The following CFAP299 variants were observed in gnomAD, a reference collection of about 807,000 sequenced individuals.
CFAP299 encodes cilia and flagella associated protein 299.
A neutral mutation model predicts 27.0 loss-of-function variants in CFAP299; 21 were observed. The observed-to-expected ratio is 0.78, with a 90% CI of 0.55 to 1.12. The LOEUF (loss-of-function observed/expected upper bound fraction) is 1.12. Ranked by LOEUF, CFAP299 falls within the 50% of genes most tolerant of loss-of-function variation. CFAP299 has a pLI of 0.00. For synonymous variants in CFAP299, 104 were observed against 98.1 expected, an observed-to-expected ratio of 1.06 and a Z score of -0.36; for missense variants, 310 against 276.6, an observed-to-expected ratio of 1.12 and a Z score of -0.86.
At chr4:80,454,740 T>C (rs1193431032) in intron 2 of CFAP299, among the ~76,000 whole-genome samples, 3 of 152,118 alleles carry the variant, frequency 2.0e-5, no homozygotes, top group East Asian at 1.9e-4. Context: ...GAGAGGGGAA[T>C]TGAAAGAGAG....
intron 2 of CFAP299, among the ~76,000 whole-genome samples, chr4:80,534,171 T>C (rs977649484): frequency 8.5e-5 from 13 of 152,052 alleles, no homozygotes; most frequent in African/African-American, 3.1e-4. Context: ...ATTTTTCTTA[T>C]TTTTTGCTTA....
intron 2 of CFAP299, among the ~76,000 whole-genome samples, chr4:80,431,988 T>C (rs1359012965): frequency 2.0e-5 from 3 of 152,190 alleles, no homozygotes; most frequent in Non-Finnish European, 4.4e-5. Flanking sequence ...GATAGGGACA[T>C]TTTCTGAATA....
chr4:80,673,540 G>A (rs1226234780), intron 3 of CFAP299, among the ~76,000 whole-genome samples: 2 of 152,174 alleles, frequency 1.3e-5, no homozygotes, highest in African/African-American at 2.4e-5. Context: ...TTGGTGCGGA[G>A]CTGAGTTCAA....
At chr4:80,476,459 A>G (rs769543406) in intron 2 of CFAP299, among the ~76,000 whole-genome samples, 21 of 152,134 alleles carry the variant, frequency 1.4e-4, no homozygotes, top group Non-Finnish European at 2.9e-4. Flanking sequence ...TTTGATACTA[A>G]TAGAAATAGG....
At chr4:80,463,732 G>A (rs2110108933) in intron 2 of CFAP299, among the ~76,000 whole-genome samples, 1 of 152,060 alleles carries the variant, frequency 6.6e-6, no homozygotes, top group Admixed American at 6.6e-5. Context: ...CTCCCTAAAG[G>A]CCCTATCTCT....
intron 4 of CFAP299, among the ~76,000 whole-genome samples, chr4:80,929,013 T>C (rs1469757504): frequency 1.3e-5 from 2 of 152,154 alleles, no homozygotes; most frequent in Non-Finnish European, 2.9e-5. Context: ...GCACTATTTT[T>C]CTAATTCCCA....
At chr4:80,718,836 A>C (rs1420474082) in intron 3 of CFAP299, among the ~76,000 whole-genome samples, 1 of 152,168 alleles carries the variant, frequency 6.6e-6, no homozygotes, top group East Asian at 1.9e-4. Flanking sequence ...TTTTAGGACC[A>C]ATGACATATA....
chr4:80,955,032 A>AGC (rs1737995883), intron 5 of CFAP299, among the ~76,000 whole-genome samples: 1 of 25,272 alleles, frequency 4.0e-5, no homozygotes, highest in Admixed American at 5.8e-4. Context: ...AAAAAAAAAA[A>AGC]AACGCACACA....
chr4:80,515,547 G>C (rs1732542187), intron 2 of CFAP299, among the ~76,000 whole-genome samples: 1 of 152,070 alleles, frequency 6.6e-6, no homozygotes, highest in South Asian at 2.1e-4. Context: ...TTTATGTTTA[G>C]TTTACATGCC....
At chr4:80,487,415 G>A (rs938519518) in intron 2 of CFAP299, among the ~76,000 whole-genome samples, 2 of 152,094 alleles carry the variant, frequency 1.3e-5, no homozygotes, top group South Asian at 2.1e-4. Flanking sequence ...GCAGATCATC[G>A]ATCTCTTTCT....
At chr4:80,398,774 G>A (rs973764265) in intron 2 of CFAP299, among the ~76,000 whole-genome samples, 7 of 152,092 alleles carry the variant, frequency 4.6e-5, no homozygotes, top group African/African-American at 1.7e-4. Flanking sequence ...CAGAACATAG[G>A]CATGGGCAAG....
rs546175540 is a variant in CFAP299, at chr4:80,790,051, A to G, written c.334-79942A>G. On this transcript the variant is annotated intron_variant, in intron 3 of 5. Coordinates refer to ENST00000358105, the MANE Select transcript of CFAP299 (RefSeq NM_152770.3). Reference sequence around the variant, plus strand: ...GAATCACCATATTTTCACCCCCAAAATCAAAACAATTTTTGCCTTTCCATG... The same window carrying G: ...GAATCACCATATTTTCACCCCCAAAGTCAAAACAATTTTTGCCTTTCCATG... Among the ~76,000 whole-genome samples, 5 of 152,134 alleles carry G rather than the reference A, an allele frequency of 3.3e-5. No individual in the cohort carries two copies. The South Asian group carries it at 1.0e-3, about 32-fold the overall frequency.
At chr4:80,587,633 C>A (rs1236818870) in intron 3 of CFAP299, among the ~76,000 whole-genome samples, 1 of 152,058 alleles carries the variant, frequency 6.6e-6, no homozygotes, top group Non-Finnish European at 1.5e-5. Context: ...TGCTCTGTTG[C>A]CCAGGTTGGA....
At chr4:80,733,139 T>C (rs1723637038) in intron 3 of CFAP299, among the ~76,000 whole-genome samples, 1 of 152,096 alleles carries the variant, frequency 6.6e-6, no homozygotes, top group Non-Finnish European at 1.5e-5. Context: ...ACTGAAAGCC[T>C]ATGAATGGAT....
At chr4:80,645,428 A>T (rs1301961249) in intron 3 of CFAP299, among the ~76,000 whole-genome samples, 1 of 152,148 alleles carries the variant, frequency 6.6e-6, no homozygotes, top group African/African-American at 2.4e-5. Context: ...AGGATAAAAA[A>T]GTATCTGTTA....
Position 80,335,806 on chromosome 4 carries a change from T to C in CFAP299, c.38T>C (p.Ile13Thr), listed in dbSNP as rs1722103943. Residue 13 changes from isoleucine to threonine, a missense_variant, in exon 1 of 6, where the codon ATT becomes ACT. Coordinates refer to ENST00000358105, the MANE Select transcript of CFAP299 (RefSeq NM_152770.3). ...GAGGGGCTGAAGGCCTTGGACAATA[T>C]TGTCACTCAATTCAACGCCTATGAA... ...QEEGLKALDN[I>T]VTQFNAYEDF... The C allele has an allele frequency of 2.5e-6, 4 of 1,613,780 alleles. No individual in the cohort carries two copies. The highest frequency in any genetic ancestry group is 2.7e-5 in the African/African-American group (2 of 75,042).
chr4:80,472,781 A>G lies in CFAP299; in HGVS notation c.242+109897A>G, dbSNP rs1408290702. Reference sequence around the variant, plus strand: ...TAATCCAAAACAAAGGAGAGCCTCAATTGCCTGTATGGCCCATGTTCCACG... The same window carrying G: ...TAATCCAAAACAAAGGAGAGCCTCAGTTGCCTGTATGGCCCATGTTCCACG... On this transcript the variant is annotated intron_variant, in intron 2 of 5. Transcript: ENST00000358105. Among the ~76,000 whole-genome samples the G allele has an allele frequency of 3.3e-5, 5 of 152,164 alleles. 1 individual carries two copies. Among genetic ancestry groups the G allele is most frequent in the Non-Finnish European group, 2.9e-5 (2 of 68,016 alleles).
chr4:80,595,102 G>A (rs1736993269), intron 3 of CFAP299, among the ~76,000 whole-genome samples: 1 of 152,088 alleles, frequency 6.6e-6, no homozygotes, highest in African/African-American at 2.4e-5. Context: ...ATCTGGCTAT[G>A]GATAATTCTT....
chr4:80,880,961 C>A (rs1422848823), intron 4 of CFAP299, among the ~76,000 whole-genome samples: 1 of 152,064 alleles, frequency 6.6e-6, no homozygotes, highest in Non-Finnish European at 1.5e-5. Flanking sequence ...TTCTTTTTGG[C>A]CTCGTACTGA....
Sources: allele counts gnomAD v4.1 joint callset (sites outside exome capture counted in the v4.1 genomes callset), GRCh38; gene constraint gnomAD v4.1.1; transcripts MANE v1.5; gene names NCBI Gene and HGNC (gene_info 2026-07-23, HGNC 2026-07-21).